The following TCERG1L variants were observed in gnomAD, a reference collection of about 807,000 sequenced individuals.
TCERG1L encodes transcription elongation regulator 1-like protein.
A neutral mutation model predicts 56.3 loss-of-function variants in TCERG1L; 37 were observed. The ratio of observed to expected loss-of-function variants is 0.66; its 90% CI spans 0.51 to 0.87. The LOEUF (loss-of-function observed/expected upper bound fraction) is 0.87. Ranked by LOEUF, TCERG1L falls within the 40% of genes least tolerant of loss-of-function variation. The pLI is 0.00. For synonymous variants in TCERG1L, 324 were observed against 326.3 expected, an observed-to-expected ratio of 0.99 and a Z score of 0.08; for missense variants, 799 against 774.2, an observed-to-expected ratio of 1.03 and a Z score of -0.38.
chr10:131,311,381 C>T lies in TCERG1L; in HGVS notation c.255G>A (p.Glu85=). ...PGLPGWPAPS[E]PVLPLLPLPS... ...GCAGCGGCAGCAGCGGGAGCACCGG[C>T]TCGCTCGGGGCCGGCCAGCCGGGGA... Residue 85 remains glutamate, a synonymous_variant, in exon 1 of 12, where the codon GAG becomes GAA. Coordinates refer to ENST00000368642, the MANE Select transcript of TCERG1L (RefSeq NM_174937.4). The surrounding 1 kb of genome is among the most constrained non-coding windows in gnomAD (Gnocchi z 4.0). The T allele has an allele frequency of 8.4e-7, 1 of 1,192,856 alleles. No homozygotes were observed. Among genetic ancestry groups the T allele is most frequent in the Non-Finnish European group, 1.0e-6 (1 of 964,448 alleles). 73.9% of individuals were successfully genotyped at this position (1,192,856 alleles called of 1,614,324 possible). A position where few individuals can be genotyped will look rare whatever the true frequency, so the allele number is the denominator to read the frequency against.
intron 4 of TCERG1L, among the ~76,000 whole-genome samples, chr10:131,213,999 C>T (rs1174309574): frequency 2.0e-5 from 3 of 152,096 alleles, no homozygotes; most frequent in African/African-American, 4.8e-5. Flanking sequence ...AGGCCCACTA[C>T]TTATCCAGGG....
chr10:131,167,405 C>A lies in TCERG1L; in HGVS notation c.857-520G>T, dbSNP rs142072069. Among the ~76,000 whole-genome samples the A allele has an allele frequency of 3.8e-3, 581 of 152,354 alleles. 2 individuals are homozygous for A. Among genetic ancestry groups the A allele is most frequent in the Non-Finnish European group, 6.2e-3 (423 of 68,036 alleles). ...CTCTCGCATTGTGGGGCCCCCAGTG[C>A]GCTGGGCAGTCAGGAGCCTCCTCCA... On this transcript the variant is annotated intron_variant, in intron 4 of 11. Coordinates refer to ENST00000368642, the MANE Select transcript of TCERG1L (RefSeq NM_174937.4).
chr10:131,216,774 C>A (rs1016599195), intron 4 of TCERG1L, among the ~76,000 whole-genome samples: 1 of 152,164 alleles, frequency 6.6e-6, no homozygotes, highest in Non-Finnish European at 1.5e-5. Context: ...GTGCTGGCTG[C>A]GGGCCAGGCA....
chr10:131,160,515 C>T (rs1318540262), intron 6 of TCERG1L, among the ~76,000 whole-genome samples: 2 of 152,202 alleles, frequency 1.3e-5, no homozygotes, highest in Non-Finnish European at 2.9e-5. Context: ...CATTCATTCC[C>T]TCATCTGCAA....
At chr10:131,123,461 C>T (rs1269143720) in intron 8 of TCERG1L, among the ~76,000 whole-genome samples, 1 of 151,986 alleles carries the variant, frequency 6.6e-6, no homozygotes, top group Non-Finnish European at 1.5e-5. Flanking sequence ...TACAAAGGCC[C>T]TAAGGTAGGA....
At chr10:131,246,550 G>A (rs1232262511) in intron 4 of TCERG1L, among the ~76,000 whole-genome samples, 3 of 152,046 alleles carry the variant, frequency 2.0e-5, no homozygotes, top group Non-Finnish European at 4.4e-5. Flanking sequence ...GAGAAGAACG[G>A]CAAAAAACAG....
chr10:131,308,421 G>T, intron 2 of TCERG1L, 30 bp from the exon 3 acceptor site: 1 of 1,592,062 alleles, frequency 6.3e-7, no homozygotes, highest in South Asian at 1.1e-5. Context: ...GCATAACACT[G>T]AAGGCAAGGT....
chr10:131,308,085 AAAGG>A, intron 3 of TCERG1L, 122 bp downstream of exon 3: 2 of 1,086,562 alleles, frequency 1.8e-6, no homozygotes, highest in Non-Finnish European at 2.6e-6. Flanking sequence ...ATGCTTGTGA[AAAGG>A]AATTATATTT....
chr10:131,223,422 A>G (rs538449566), intron 4 of TCERG1L, among the ~76,000 whole-genome samples: 1 of 152,304 alleles, frequency 6.6e-6, no homozygotes, highest in African/African-American at 2.4e-5. Context: ...TTTGCTCCAG[A>G]GAGAGCTAGA....
At chr10:131,228,435 C>T (rs78511462) in intron 4 of TCERG1L, among the ~76,000 whole-genome samples, 3 of 6,836 alleles carry the variant, frequency 4.4e-4, no homozygotes, top group African/African-American at 9.7e-4. Flanking sequence ...TCCGGAGTCT[C>T]CCCTCCAGAC....
intron 4 of TCERG1L, among the ~76,000 whole-genome samples, chr10:131,254,945 G>A (rs756047706): frequency 3.2e-4 from 48 of 152,182 alleles, no homozygotes; most frequent in Non-Finnish European, 5.4e-4. Flanking sequence ...TTGGGAAGTG[G>A]AGGTAGTTGC....
intron 4 of TCERG1L, among the ~76,000 whole-genome samples, chr10:131,167,094 T>C (rs1456165218): frequency 2.0e-5 from 3 of 152,182 alleles, no homozygotes; most frequent in African/African-American, 7.2e-5. Flanking sequence ...GACAATGGGT[T>C]TGCAGGGGCC....
intron 1 of TCERG1L, among the ~76,000 whole-genome samples, chr10:131,309,834 CAAAAAAAA>C (rs58892586): frequency 0.017 from 858 of 49,938 alleles, 27 homozygotes; most frequent in East Asian, 0.15. Context: ...GATTCTATGG[CAAAAAAAA>C]AAAAAAAAAA....
chr10:131,204,043 A>T (rs1845487432), intron 4 of TCERG1L, among the ~76,000 whole-genome samples: 1 of 152,222 alleles, frequency 6.6e-6, no homozygotes, highest in South Asian at 2.1e-4. Context: ...GCCCTCATGG[A>T]TGGAATGAGC....
chr10:131,235,927 C>A (rs753779412), intron 4 of TCERG1L, among the ~76,000 whole-genome samples: 17 of 152,180 alleles, frequency 1.1e-4, no homozygotes, highest in Non-Finnish European at 1.8e-4. Flanking sequence ...ATAGATAAAT[C>A]CCTATAAAAT....
At chr10:131,202,645 ACTG>A (rs1845454291) in intron 4 of TCERG1L, among the ~76,000 whole-genome samples, 3 of 152,222 alleles carry the variant, frequency 2.0e-5, no homozygotes, top group African/African-American at 7.2e-5. Context: ...TTTAAGGTAC[ACTG>A]CTAAGTAAAA....
intron 6 of TCERG1L, among the ~76,000 whole-genome samples, chr10:131,152,470 G>T (rs1845875667): frequency 6.6e-6 from 1 of 152,140 alleles, no homozygotes; most frequent in African/African-American, 2.4e-5. Context: ...CTATGTTTTG[G>T]TCAAAGCCAT....
chr10:131,268,848 T>C (rs560113083), intron 3 of TCERG1L, among the ~76,000 whole-genome samples: 35 of 152,358 alleles, frequency 2.3e-4, no homozygotes, highest in African/African-American at 8.4e-4. Flanking sequence ...GGATTAGGCT[T>C]TGGCTTAATG....
rs576396565 is a variant in TCERG1L, at chr10:131,311,321, C to CGCGGCG, written c.309_314dup (p.Ala104_Ala105dup). The CGCGGCG allele has an allele frequency of 4.7e-4, 554 of 1,187,278 alleles. 3 individuals are homozygous for CGCGGCG. In the East Asian group the frequency reaches 0.015, roughly 32 times the overall value. The allele number at this position is 1,187,278 out of a possible 1,614,324, so 73.5% of individuals were successfully genotyped here. A position where few individuals can be genotyped will look rare whatever the true frequency, so the allele number is the denominator to read the frequency against. On this transcript the variant is annotated inframe_insertion, in exon 1 of 12. Coordinates refer to ENST00000368642, the MANE Select transcript of TCERG1L (RefSeq NM_174937.4). This position sits in a 1 kb window ranked among gnomAD's most constrained non-coding sequence, Gnocchi z 4.0. Reference sequence around the variant, plus strand: ...GCCCGTGGAGCGCGGGGAAGGGGTGCGCGGCGGCGGCGGCGGCGGAGTCTG... The same window carrying CGCGGCG: ...GCCCGTGGAGCGCGGGGAAGGGGTGCGCGGCGGCGGCGGCGGCGGCGGCGGAGTCTG...
Sources: gnomAD v4.1 joint callset for allele counts (sites outside exome capture counted in the v4.1 genomes callset) on GRCh38, gnomAD v4.1.1 for gene constraint, Gnocchi (gnomAD v3.1) non-coding constraint, MANE v1.5 for transcripts, NCBI Gene and HGNC (gene_info 2026-07-23, HGNC 2026-07-21) for gene names.